PGAP1: variants seen among roughly 807,000 people sequenced by gnomAD.
The protein encoded by PGAP1 is GPI inositol-deacylase.
PGAP1 carries 76 observed loss-of-function variants against 127.0 expected under a neutral mutation model. That is an observed-to-expected ratio of 0.60 (90% CI 0.50 to 0.72). The LOEUF (loss-of-function observed/expected upper bound fraction) is 0.72, where lower values mean the gene tolerates loss of function less well. PGAP1 is among the 30% of genes least tolerant of loss of function. The pLI is 0.00. For missense variants in PGAP1, 982 were observed against 1,071.3 expected (o/e 0.92, Z 1.16); for synonymous variants, 362 against 366.5 (o/e 0.99, Z 0.14).
At chr2:196,926,437 G>C (rs1462354637) in intron 1 of PGAP1, 33 bp downstream of exon 1, 8 of 1,613,438 alleles carry the variant, frequency 5.0e-6, no homozygotes, top group South Asian at 3.3e-5. Flanking sequence ...CAGAGTCTTG[G>C]AGCGCCCGGC....
At chr2:196,901,330 GC>G (rs1235045763) in intron 5 of PGAP1, among the ~76,000 whole-genome samples, 4 of 152,162 alleles carry the variant, frequency 2.6e-5, no homozygotes, top group Admixed American at 1.3e-4. Flanking sequence ...TAGCAGAATA[GC>G]TTAATAATTT....
At chr2:196,875,465 T>G (rs1701533428) in intron 14 of PGAP1, among the ~76,000 whole-genome samples, 1 of 152,106 alleles carries the variant, frequency 6.6e-6, no homozygotes, top group Non-Finnish European at 1.5e-5. Flanking sequence ...ATATTAAAAT[T>G]GTATTAATAA....
chr2:196,850,632 T>C (rs1576095134), intron 20 of PGAP1, among the ~76,000 whole-genome samples: 4 of 151,594 alleles, frequency 2.6e-5, no homozygotes, highest in Admixed American at 2.6e-4. Context: ...AAGGAAGCAT[T>C]GGCTCTTGGA....
intron 19 of PGAP1, among the ~76,000 whole-genome samples, chr2:196,869,836 G>A (rs1290006619): frequency 6.6e-6 from 1 of 152,108 alleles, no homozygotes; most frequent in Non-Finnish European, 1.5e-5. Context: ...TATACAAAAT[G>A]TTTCTAATTT....
intron 3 of PGAP1, among the ~76,000 whole-genome samples, chr2:196,914,391 T>C (rs1180664661): frequency 6.6e-6 from 1 of 152,034 alleles, no homozygotes; most frequent in Non-Finnish European, 1.5e-5. Context: ...GAGGCCAAGG[T>C]AGGTGGATCA....
chr2:196,911,618 A>T (rs866281936), intron 4 of PGAP1, among the ~76,000 whole-genome samples: 110 of 146,888 alleles, frequency 7.5e-4, no homozygotes, highest in Admixed American at 2.9e-3. Flanking sequence ...AAAAAAAAAA[A>T]AAAAAAAAAA....
chr2:196,855,036 A>G (rs1209489356), intron 20 of PGAP1, among the ~76,000 whole-genome samples: 1 of 150,536 alleles, frequency 6.6e-6, no homozygotes, highest in Non-Finnish European at 1.5e-5. Flanking sequence ...AGTCATCTTC[A>G]TATCAGCAGG....
At chr2:196,922,190 C>T in intron 1 of PGAP1, 1 of 1,297,500 alleles carries the variant, frequency 7.7e-7, no homozygotes, top group Non-Finnish European at 1.0e-6. Flanking sequence ...CTCATCTCTA[C>T]ATAAACTCAA....
intron 10 of PGAP1, 112 bp from the exon 11 acceptor site, chr2:196,885,992 G>A: frequency 1.7e-6 from 1 of 573,514 alleles, no homozygotes; most frequent in Non-Finnish European, 2.7e-6. Context: ...GGGTGACTAG[G>A]AGCAAGTGAA....
At chr2:196,922,464 T>C in intron 1 of PGAP1, 1 of 930,414 alleles carries the variant, frequency 1.1e-6, no homozygotes, top group Non-Finnish European at 1.3e-6. Context: ...GGGGCTCCAT[T>C]AAAAAAAAAA....
intron 12 of PGAP1, among the ~76,000 whole-genome samples, 194 bp downstream of exon 12, chr2:196,885,230 A>C (rs1701859776): frequency 6.6e-6 from 1 of 152,216 alleles, no homozygotes; most frequent in African/African-American, 2.4e-5. Flanking sequence ...AAAGTAAAAA[A>C]AATATAAATA....
chr2:196,892,047 G>A (rs976874276), intron 9 of PGAP1, among the ~76,000 whole-genome samples: 1 of 151,928 alleles, frequency 6.6e-6, no homozygotes, highest in African/African-American at 2.4e-5. Flanking sequence ...GAAAAAAAAG[G>A]GGAGAGTGGT....
chr2:196,867,187 T>C (rs190203549), intron 19 of PGAP1, among the ~76,000 whole-genome samples: 38 of 152,296 alleles, frequency 2.5e-4, no homozygotes, highest in African/African-American at 8.9e-4. Flanking sequence ...TGCACACATA[T>C]GTTTACTGCG....
chr2:196,860,019 G>C (rs1701013820), intron 20 of PGAP1, among the ~76,000 whole-genome samples: 1 of 151,894 alleles, frequency 6.6e-6, no homozygotes, highest in South Asian at 2.1e-4. Flanking sequence ...GAGCAACTAG[G>C]CAAGAGAAAG....
intron 4 of PGAP1, among the ~76,000 whole-genome samples, chr2:196,912,120 C>T (rs1453852599): frequency 2.0e-5 from 3 of 152,094 alleles, no homozygotes; most frequent in Non-Finnish European, 4.4e-5. Context: ...AGTGTGGTAA[C>T]ACATCACATG....
At chr2:196,905,514 A>T (rs958254181) in intron 4 of PGAP1, among the ~76,000 whole-genome samples, 1 of 152,244 alleles carries the variant, frequency 6.6e-6, no homozygotes, top group Non-Finnish European at 1.5e-5. Flanking sequence ...TTATGTTAAG[A>T]TGGTTTGGAG....
At chr2:196,845,461 C>A (rs1700530540) in intron 23 of PGAP1, among the ~76,000 whole-genome samples, 1 of 151,324 alleles carries the variant, frequency 6.6e-6, no homozygotes, top group Non-Finnish European at 1.5e-5. Flanking sequence ...GATCCTTCAG[C>A]AACATTTGTA....
At chr2:196,882,670 T>C (rs1701770247) in intron 12 of PGAP1, among the ~76,000 whole-genome samples, 1 of 152,170 alleles carries the variant, frequency 6.6e-6, no homozygotes, top group African/African-American at 2.4e-5. Flanking sequence ...TTGGTGTCAA[T>C]AGGAATGTTA....
chr2:196,896,915 C>T (rs1702299465), intron 7 of PGAP1, among the ~76,000 whole-genome samples: 1 of 149,798 alleles, frequency 6.7e-6, no homozygotes, highest in African/African-American at 2.5e-5. Flanking sequence ...GGTTCTTTCA[C>T]TTTTCATTTT....
Sources: allele counts gnomAD v4.1 joint callset (sites outside exome capture counted in the v4.1 genomes callset), GRCh38; gene constraint gnomAD v4.1.1; transcripts MANE v1.5; gene names NCBI Gene and HGNC (gene_info 2026-07-23, HGNC 2026-07-21).